POU6F2: variants seen among roughly 807,000 people sequenced by gnomAD.
POU6F2 encodes the protein POU class 6 homeobox 2, also known as POU domain, class 6, transcription factor 2.
In POU6F2, 31 loss-of-function variants were observed where a neutral mutation model predicts 71.3. That is an observed-to-expected ratio of 0.43 (90% CI 0.33 to 0.59). POU6F2 has a LOEUF of 0.59. POU6F2 is among the 20% of genes least tolerant of loss of function. The pLI is 0.04. For missense variants in POU6F2, 783 were observed against 856.8 expected, an observed-to-expected ratio of 0.91 and a Z score of 1.07; for synonymous variants, 347 against 355.7, an observed-to-expected ratio of 0.98 and a Z score of 0.27.
Position 39,220,268 on chromosome 7 carries a change from G to A in POU6F2, c.598+12648G>A, listed in dbSNP as rs145777202. On this transcript the variant is annotated intron_variant, in intron 4 of 9. Transcript: ENST00000518318. ...ATGGAAAGAATAGAAATAGGAGTTT[G>A]TCAAATAGCTGAACAATGGTTATAG... is the stretch of plus-strand genomic sequence containing the variant. 2.2e-3 allele frequency among the ~76,000 whole-genome samples: 341 copies of A among 152,312 alleles called. 1 individual carries two copies. The highest frequency in any genetic ancestry group is 7.6e-3 in the African/African-American group (317 of 41,572).
intron 4 of POU6F2, among the ~76,000 whole-genome samples, chr7:39,258,616 A>G (rs1784070266): frequency 6.6e-6 from 1 of 152,118 alleles, no homozygotes; most frequent in African/African-American, 2.4e-5. Flanking sequence ...TATGTTTAAT[A>G]GCTTTTTTGA....
intron 5 of POU6F2, among the ~76,000 whole-genome samples, chr7:39,380,647 CT>C (rs1167268074): frequency 2.0e-5 from 3 of 152,102 alleles, no homozygotes; most frequent in Admixed American, 6.5e-5. Context: ...TGTCTTTTAC[CT>C]ATTTTGTATT....
intron 6 of POU6F2, among the ~76,000 whole-genome samples, chr7:39,418,516 C>T (rs1583586776): frequency 6.6e-6 from 1 of 151,992 alleles, no homozygotes; most frequent in African/African-American, 2.4e-5. Context: ...ATTGTGAAAC[C>T]ATGTCTCTAC....
intron 5 of POU6F2, 21 bp downstream of exon 5, chr7:39,340,036 G>T (rs758206148): frequency 6.3e-7 from 1 of 1,581,596 alleles, no homozygotes; most frequent in South Asian, 1.2e-5. Context: ...CGTGCTTCCC[G>T]TCTGCCCCTA....
At chr7:39,183,551 T>C (rs1017892086) in intron 2 of POU6F2, among the ~76,000 whole-genome samples, 1 of 152,106 alleles carries the variant, frequency 6.6e-6, no homozygotes, top group African/African-American at 2.4e-5. Context: ...GCCCCCATGA[T>C]CCAATCACCT....
intron 1 of POU6F2, among the ~76,000 whole-genome samples, chr7:39,056,646 T>TTTTCTCTC (rs1415800846): frequency 2.9e-3 from 311 of 106,442 alleles, no homozygotes; most frequent in Non-Finnish European, 5.1e-3. Context: ...CTCTTTCTCT[T>TTTTCTCTC]TTTCTCTCTC....
At chr7:39,341,514 T>A (rs1254393716) in intron 5 of POU6F2, among the ~76,000 whole-genome samples, 2 of 152,232 alleles carry the variant, frequency 1.3e-5, no homozygotes, top group African/African-American at 4.8e-5. Context: ...ACAGCAACCT[T>A]AATGTTGGCA....
At position 39,252,285 on chromosome 7, in the gene POU6F2, G is replaced by A. The variant is rs780577103; in HGVS notation, c.598+44665G>A. Reference sequence around the variant, plus strand: ...GTCCCCTTCCAACTGAGCCAAAGAGGACCCCGAAGATGTTGGGATAATCCT... The same window carrying A: ...GTCCCCTTCCAACTGAGCCAAAGAGAACCCCGAAGATGTTGGGATAATCCT... On this transcript the variant is annotated intron_variant, in intron 4 of 9. Transcript: ENST00000518318. Among the ~76,000 whole-genome samples, 231 of 151,626 alleles carry A rather than the reference G, an allele frequency of 1.5e-3. 2 individuals carry two copies. The highest frequency in any genetic ancestry group is 2.4e-4 in the Non-Finnish European group (16 of 67,924).
At chr7:39,227,825 G>A (rs944337920) in intron 4 of POU6F2, among the ~76,000 whole-genome samples, 1 of 152,130 alleles carries the variant, frequency 6.6e-6, no homozygotes, top group African/African-American at 2.4e-5. Flanking sequence ...CCAAAGTGCT[G>A]GGATTACAGG....
chr7:39,259,657 C>T (rs997959068), intron 4 of POU6F2, among the ~76,000 whole-genome samples: 4 of 152,112 alleles, frequency 2.6e-5, no homozygotes, highest in African/African-American at 4.8e-5. Context: ...CTTTCCTGGG[C>T]GGTAAGAGCA....
chr7:39,238,313 C>G (rs1437949634), intron 4 of POU6F2, among the ~76,000 whole-genome samples: 1 of 152,098 alleles, frequency 6.6e-6, no homozygotes, highest in Non-Finnish European at 1.5e-5. Flanking sequence ...GTAGTTGCTT[C>G]GCCAGTGTCT....
chr7:39,444,811 GT>G (rs1311406090), intron 7 of POU6F2, among the ~76,000 whole-genome samples: 8 of 152,252 alleles, frequency 5.3e-5, no homozygotes, highest in African/African-American at 1.9e-4. Flanking sequence ...TGAATTAGTA[GT>G]TTCTTCATAA....
intron 1 of POU6F2, chr7:38,984,937 A>T (rs935595191): frequency 6.6e-6 from 1 of 152,118 alleles, no homozygotes; most frequent in South Asian, 2.1e-4. Flanking sequence ...CAAAAGAACA[A>T]AGCACAACAT....
intron 2 of POU6F2, among the ~76,000 whole-genome samples, chr7:39,154,808 T>G (rs1792835506): frequency 6.6e-6 from 1 of 152,168 alleles, no homozygotes; most frequent in Non-Finnish European, 1.5e-5. Context: ...CATAGTAATC[T>G]TTCCCTTTGT....
intron 4 of POU6F2, among the ~76,000 whole-genome samples, chr7:39,264,305 A>G (rs946598499): frequency 8.5e-5 from 13 of 152,212 alleles, no homozygotes; most frequent in Non-Finnish European, 1.3e-4. Flanking sequence ...CCAGGGAGCA[A>G]GGAAGTAAGA....
chr7:39,418,939 GTA>G (rs149279901), intron 6 of POU6F2, among the ~76,000 whole-genome samples: 1 of 136,682 alleles, frequency 7.3e-6, no homozygotes, highest in Non-Finnish European at 1.5e-5. Flanking sequence ...GTATATATGT[GTA>G]TATATGTATA....
Position 39,015,940 on chromosome 7 carries a change from A to ATATT in POU6F2, c.105+37882_105+37883insTATT, listed in dbSNP as rs1789510385. Among the ~76,000 whole-genome samples, 5 of 73,696 alleles carry ATATT rather than the reference A, an allele frequency of 6.8e-5. 1 individual carries two copies. The highest frequency in any genetic ancestry group is 1.6e-4 in the African/African-American group (3 of 18,384). 48.3% of individuals were successfully genotyped at this position (73,696 alleles called of 152,430 possible). On this transcript the variant is annotated intron_variant, in intron 1 of 9. Transcript: ENST00000518318. ...TTATATATAGATATATATAATATAT[A>ATATT]GATATATATTATATATTGTATATTG...
chr7:39,171,756 G>A (rs1238783589), intron 2 of POU6F2, among the ~76,000 whole-genome samples: 2 of 152,200 alleles, frequency 1.3e-5, no homozygotes, highest in South Asian at 2.1e-4. Flanking sequence ...TTTGCCCTGT[G>A]TAGACAGCAG....
chr7:39,250,372 A>C (rs1157695941), intron 4 of POU6F2, among the ~76,000 whole-genome samples: 1 of 152,112 alleles, frequency 6.6e-6, no homozygotes, highest in African/African-American at 2.4e-5. Context: ...CTGGCCCTAG[A>C]GACTAAATAG....
Sources: gnomAD v4.1 joint callset for allele counts (sites outside exome capture counted in the v4.1 genomes callset) on GRCh38, gnomAD v4.1.1 for gene constraint, MANE v1.5 for transcripts, NCBI Gene and HGNC (gene_info 2026-07-23, HGNC 2026-07-21) for gene names.